DIAPH2: variants seen among roughly 807,000 people sequenced by gnomAD.
The protein encoded by DIAPH2 is diaphanous related formin 2.
A neutral mutation model predicts 92.7 loss-of-function variants in DIAPH2; 35 were observed. The observed-to-expected ratio is 0.38, with a 90% CI of 0.29 to 0.50. The LOEUF is 0.50. Among genes scored for constraint, DIAPH2 ranks in the 20% least tolerant of loss-of-function variants. DIAPH2 has a pLI of 0.94. For synonymous variants in DIAPH2, 301 were observed against 280.4 expected, an observed-to-expected ratio of 1.07 and a Z score of -0.73; for missense variants, 701 against 819.5, an observed-to-expected ratio of 0.86 and a Z score of 1.77.
chrX:97,259,988 C>T (rs1169901634), intron 23 of DIAPH2, among the ~76,000 whole-genome samples: 1 of 111,485 alleles, frequency 9.0e-6, no homozygotes, highest in Non-Finnish European at 1.9e-5. Context: ...CGTCACCACT[C>T]CGAGCTAATT....
chrX:97,138,774 T>C (rs2067190350), intron 21 of DIAPH2, among the ~76,000 whole-genome samples: 1 of 111,612 alleles, frequency 9.0e-6, no homozygotes, highest in Non-Finnish European at 1.9e-5. Flanking sequence ...TTGCATCTTA[T>C]AAAAATAAGT....
intron 17 of DIAPH2, among the ~76,000 whole-genome samples, chrX:97,043,303 T>A (rs1344793593): frequency 9.0e-6 from 1 of 111,310 alleles, no homozygotes; most frequent in Non-Finnish European, 1.9e-5. Context: ...AAAACTCCCC[T>A]TTACTGCTTC....
chrX:97,342,637 G>A (rs191905838), intron 23 of DIAPH2, among the ~76,000 whole-genome samples: 4 of 112,126 alleles, frequency 3.6e-5, no homozygotes, highest in African/African-American at 1.3e-4. Flanking sequence ...ACGTCTAGGT[G>A]TTGATGAGTC....
chrX:96,819,804 C>A (rs186341329), intron 4 of DIAPH2, among the ~76,000 whole-genome samples: 68 of 111,907 alleles, frequency 6.1e-4, no homozygotes, highest in Admixed American at 5.8e-3. Context: ...TTCATTCATT[C>A]AGTAAATATT....
intron 17 of DIAPH2, among the ~76,000 whole-genome samples, chrX:97,021,724 CAT>C: frequency 9.0e-6 from 1 of 111,272 alleles, no homozygotes; most frequent in South Asian, 3.8e-4. Context: ...GAAAATAAGT[CAT>C]TGGTTATTAA....
intron 23 of DIAPH2, among the ~76,000 whole-genome samples, chrX:97,337,978 T>C (rs1364832969): frequency 9.2e-6 from 1 of 108,328 alleles, no homozygotes; most frequent in East Asian, 2.9e-4. Flanking sequence ...GTTCAAGCAA[T>C]TCTCGTGCCT....
chrX:97,316,363 C>T (rs147201084), intron 23 of DIAPH2, among the ~76,000 whole-genome samples: 1,256 of 109,803 alleles, frequency 0.011, 20 homozygotes, highest in African/African-American at 0.04. Context: ...GTAGACTAGC[C>T]GAGCGCAGTG....
chrX:96,722,092 A>G (rs1248504416), intron 1 of DIAPH2, among the ~76,000 whole-genome samples: 1 of 112,084 alleles, frequency 8.9e-6, no homozygotes, highest in African/African-American at 3.2e-5. Context: ...ACAGTGGCTC[A>G]TGCCTGTAAT....
intron 26 of DIAPH2, among the ~76,000 whole-genome samples, chrX:97,511,949 A>G (rs1369563771): frequency 2.6e-5 from 3 of 113,367 alleles, no homozygotes; most frequent in Non-Finnish European, 1.9e-5. Flanking sequence ...ATGTTCATCA[A>G]GGATTTTGGT....
intron 4 of DIAPH2, among the ~76,000 whole-genome samples, chrX:96,769,850 C>T (rs151326517): frequency 2.0e-3 from 222 of 111,877 alleles, no homozygotes; most frequent in African/African-American, 6.5e-3. Flanking sequence ...ACCCGCCAGC[C>T]GGCCCTCTTC....
intron 26 of DIAPH2, among the ~76,000 whole-genome samples, chrX:97,440,212 T>C (rs1413203395): frequency 9.0e-6 from 1 of 111,647 alleles, no homozygotes; most frequent in Non-Finnish European, 1.9e-5. Flanking sequence ...TGATAGCATG[T>C]TCAAAAATTA....
At chrX:96,835,636 T>G (rs1219528649) in intron 4 of DIAPH2, among the ~76,000 whole-genome samples, 1 of 112,050 alleles carries the variant, frequency 8.9e-6, no homozygotes, top group Non-Finnish European at 1.9e-5. Context: ...AGATTTTGTT[T>G]TAGATTTTAT....
intron 26 of DIAPH2, among the ~76,000 whole-genome samples, chrX:97,519,793 G>A (rs1229661427): frequency 9.1e-6 from 1 of 110,136 alleles, no homozygotes; most frequent in East Asian, 2.8e-4. Flanking sequence ...GTGCAGTGGC[G>A]CGATCTCGGC....
intron 26 of DIAPH2, among the ~76,000 whole-genome samples, chrX:97,449,140 A>G (rs2070337358): frequency 8.9e-6 from 1 of 112,002 alleles, no homozygotes; most frequent in Admixed American, 9.5e-5. Context: ...AAAGCCCTCT[A>G]CTAATAAGAT....
chrX:96,975,586 A>G (rs745643186), intron 17 of DIAPH2, among the ~76,000 whole-genome samples: 26 of 112,228 alleles, frequency 2.3e-4, no homozygotes, highest in African/African-American at 8.1e-4. Context: ...ACTAAAAACC[A>G]TACTTAACTA....
chrX:97,323,903 C>CA (rs1052365967), intron 23 of DIAPH2, among the ~76,000 whole-genome samples: 4,216 of 38,787 alleles, frequency 0.11, 159 homozygotes, highest in East Asian at 0.14. Context: ...AACTCTGTCT[C>CA]AAAAAAAAAA....
intron 14 of DIAPH2, among the ~76,000 whole-genome samples, chrX:96,947,016 G>A (rs1026725772): frequency 1.8e-5 from 2 of 111,320 alleles, no homozygotes; most frequent in Non-Finnish European, 3.8e-5. Context: ...TGTGAGATCT[G>A]ATCTCAGCTT....
In DIAPH2 at chrX:97,115,094, C is replaced by T. The variant is rs757557090; in HGVS notation, c.2589+129C>T. 1,030 of 526,586 alleles carry T rather than the reference C, an allele frequency of 2.0e-3. 1 individual carries two copies. The highest frequency in any genetic ancestry group is 4.6e-3 in the Middle Eastern group (7 of 1,524). The allele number at this position is 526,586 out of a possible 1,213,427, so 43.4% of individuals were successfully genotyped here. A position where few individuals can be genotyped will look rare whatever the true frequency, so the allele number is the denominator to read the frequency against. The stretch of plus-strand genomic sequence containing the variant: ...TAAAAAGGGTGAATTTTCTGGGATG[C>T]GAATTATATCTCAATTCAAACAAAT... On this transcript the variant is annotated intron_variant, in intron 21 of 26. Coordinates refer to ENST00000324765, the MANE Select transcript of DIAPH2 (RefSeq NM_006729.5).
At position 97,540,660 on chromosome X, in the gene DIAPH2, C is replaced by A. The variant is rs1205939949; in HGVS notation, c.3242-58593C>A. Among the ~76,000 whole-genome samples, 4 of 111,845 alleles carry A rather than the reference C, an allele frequency of 3.6e-5. No individual in the cohort carries two copies. The East Asian group carries it at 1.1e-3, about 31-fold the overall frequency. ...ACCAACTTATTAATAGAGAATTGAT[C>A]ATTATGCAACCAATTAGAAGATATA... On this transcript the variant is annotated intron_variant, in intron 26 of 26. Transcript: ENST00000324765.
Sources: gnomAD v4.1 joint callset for allele counts (sites outside exome capture counted in the v4.1 genomes callset) on GRCh38, gnomAD v4.1.1 for gene constraint, MANE v1.5 for transcripts, NCBI Gene and HGNC (gene_info 2026-07-23, HGNC 2026-07-21) for gene names.